The following XRCC4 variants were observed in gnomAD, a reference collection of about 807,000 sequenced individuals.
XRCC4 encodes X-ray repair cross complementing 4.
Under a neutral mutation model 39.1 loss-of-function variants are expected in XRCC4, and 28 were observed. That is an observed-to-expected ratio of 0.72 (90% CI 0.53 to 0.98). The LOEUF (loss-of-function observed/expected upper bound fraction) is 0.98, where lower values mean the gene tolerates loss of function less well. Ranked by LOEUF, XRCC4 falls within the 50% of genes least tolerant of loss-of-function variation. XRCC4 has a pLI of 0.00. For missense variants in XRCC4, 350 were observed against 376.4 expected (o/e 0.93, Z 0.58); for synonymous variants, 123 against 126.4 (o/e 0.97, Z 0.18).
chr5:83,310,916 T>C (rs927074978), intron 7 of XRCC4: 13 of 447,982 alleles, frequency 2.9e-5, no homozygotes, highest in African/African-American at 2.2e-4. Flanking sequence ...ACTGAAGCTC[T>C]AGGCAGTGGA....
chr5:83,097,306 A>G (rs1050890648), intron 1 of XRCC4, among the ~76,000 whole-genome samples: 1 of 151,778 alleles, frequency 6.6e-6, no homozygotes, highest in African/African-American at 2.4e-5. Context: ...TATAGTTCCT[A>G]AATAGTTTTG....
intron 7 of XRCC4, among the ~76,000 whole-genome samples, chr5:83,316,027 A>ACAT (rs1259385638): frequency 6.6e-6 from 1 of 151,958 alleles, no homozygotes. Flanking sequence ...GCCATTAAGA[A>ACAT]CATTCATGAT....
At position 83,134,235 on chromosome 5, in the gene XRCC4, C is replaced by T. The variant is rs575220904; in HGVS notation, c.315+23032C>T. Among the ~76,000 whole-genome samples, 5 of 152,224 alleles carry T rather than the reference C, an allele frequency of 3.3e-5. No homozygotes were observed. The East Asian group carries it at 7.7e-4, about 24-fold the overall frequency. ...GTGTCCGGGGTAGGTGCCGCAAAGT[C>T]CCGCGGTGAGTGCCAGTGAGAGGTG... On this transcript the variant is annotated intron_variant, in intron 3 of 7. Coordinates refer to ENST00000396027, the MANE Select transcript of XRCC4 (RefSeq NM_003401.5).
intron 3 of XRCC4, among the ~76,000 whole-genome samples, chr5:83,171,306 T>C (rs1043667188): frequency 6.6e-6 from 1 of 152,148 alleles, no homozygotes; most frequent in African/African-American, 2.4e-5. Flanking sequence ...CAGAGGAGCA[T>C]TTCTAAAATG....
At chr5:83,364,759 C>G in the XRCC4 span, among the ~76,000 whole-genome samples, 4 of 152,210 alleles carry the variant, frequency 2.6e-5, no homozygotes, top group Admixed American at 6.5e-5. Flanking sequence ...GCCGAAAATC[C>G]TGTCTTGCAT....
chr5:83,142,587 G>A (rs960910390), intron 3 of XRCC4, among the ~76,000 whole-genome samples: 21 of 152,246 alleles, frequency 1.4e-4, no homozygotes, highest in African/African-American at 4.8e-4. Context: ...TGAAAGTAAA[G>A]TGTAACAGCA....
At chr5:83,195,730 A>G in intron 3 of XRCC4, 40 bp from the exon 4 acceptor site, 1 of 1,513,216 alleles carries the variant, frequency 6.6e-7, no homozygotes, top group Non-Finnish European at 8.9e-7. Flanking sequence ...CTCAATCTTG[A>G]TATTTTCCCC....
intron 3 of XRCC4, among the ~76,000 whole-genome samples, chr5:83,123,931 A>T (rs989309944): frequency 2.0e-5 from 3 of 152,046 alleles, no homozygotes; most frequent in Non-Finnish European, 2.9e-5. Flanking sequence ...TTAACTTTTC[A>T]TTTTGAAATA....
At chr5:83,161,013 A>G (rs1190927427) in intron 3 of XRCC4, among the ~76,000 whole-genome samples, 1 of 152,110 alleles carries the variant, frequency 6.6e-6, no homozygotes, top group East Asian at 1.9e-4. Flanking sequence ...TAGCAACCCT[A>G]TGAGGTAGAT....
the XRCC4 span, among the ~76,000 whole-genome samples, chr5:83,359,081 T>C: frequency 6.6e-6 from 1 of 151,978 alleles, no homozygotes; most frequent in Non-Finnish European, 1.5e-5. Context: ...CCTGGAAACA[T>C]TGTTCTCCCT....
chr5:83,113,469 C>T (rs970360202), intron 3 of XRCC4, among the ~76,000 whole-genome samples: 1 of 152,124 alleles, frequency 6.6e-6, no homozygotes, highest in Non-Finnish European at 1.5e-5. Context: ...GGAAAGTGGC[C>T]CTAATCTTAT....
downstream of XRCC4, among the ~76,000 whole-genome samples, chr5:83,357,504 G>A (rs1235274965): frequency 2.6e-5 from 4 of 151,688 alleles, no homozygotes; most frequent in East Asian, 1.9e-4. Flanking sequence ...GATCACATGA[G>A]AATACAGAAG....
chr5:83,276,696 G>C (rs1328647128), intron 7 of XRCC4, among the ~76,000 whole-genome samples: 1 of 151,984 alleles, frequency 6.6e-6, no homozygotes. Flanking sequence ...ATAAGTTACC[G>C]TTTCCTATTT....
intron 7 of XRCC4, among the ~76,000 whole-genome samples, chr5:83,263,763 A>C (rs1753850656): frequency 6.6e-6 from 1 of 151,524 alleles, no homozygotes; most frequent in Non-Finnish European, 1.5e-5. Context: ...TCAGATGAGT[A>C]GGTTGCGAAA....
intron 3 of XRCC4, among the ~76,000 whole-genome samples, chr5:83,112,340 G>A (rs931235266): frequency 1.6e-4 from 24 of 152,190 alleles, no homozygotes; most frequent in Non-Finnish European, 1.3e-4. Context: ...CTCTTCTAAT[G>A]TTTTGAAGCA....
intron 7 of XRCC4, among the ~76,000 whole-genome samples, chr5:83,320,641 T>C (rs1580508480): frequency 6.6e-6 from 1 of 151,882 alleles, no homozygotes; most frequent in Non-Finnish European, 1.5e-5. Context: ...TTTTAAGAAA[T>C]TGCACAGCCA....
chr5:83,128,502 C>G (rs1168368490), intron 3 of XRCC4, among the ~76,000 whole-genome samples: 2 of 152,130 alleles, frequency 1.3e-5, no homozygotes, highest in African/African-American at 2.4e-5. Flanking sequence ...AATGGGATGG[C>G]TGGGTCAAAT....
intron 6 of XRCC4, among the ~76,000 whole-genome samples, chr5:83,228,499 G>T (rs1752375134): frequency 6.6e-6 from 1 of 151,936 alleles, no homozygotes; most frequent in African/African-American, 2.4e-5. Context: ...ACTATTATAA[G>T]TTCAGTACTG....
At chr5:83,174,854 T>A (rs1015123996) in intron 3 of XRCC4, among the ~76,000 whole-genome samples, 3 of 151,992 alleles carry the variant, frequency 2.0e-5, no homozygotes, top group Non-Finnish European at 2.9e-5. Context: ...TTTTAAAAGT[T>A]AAAAATTCAT....
Sources: allele counts gnomAD v4.1 joint callset (sites outside exome capture counted in the v4.1 genomes callset), GRCh38; gene constraint gnomAD v4.1.1; transcripts MANE v1.5; gene names NCBI Gene and HGNC (gene_info 2026-07-23, HGNC 2026-07-21).